MSANTD1: variants seen among roughly 807,000 people sequenced by gnomAD.
MSANTD1 encodes myb/SANT-like DNA-binding domain-containing protein 1.
In MSANTD1, 7 loss-of-function variants were observed where a neutral mutation model predicts 24.2. The ratio of observed to expected loss-of-function variants is 0.29; its 90% confidence interval spans 0.16 to 0.54. The LOEUF (loss-of-function observed/expected upper bound fraction) is 0.54, where lower values mean the gene tolerates loss of function less well. MSANTD1 is among the 20% of genes least tolerant of loss of function. The pLI, the probability that MSANTD1 is intolerant of heterozygous loss-of-function variation, is 0.94. For synonymous variants in MSANTD1, 177 were observed against 181.1 expected (o/e 0.98, Z 0.18); for missense variants, 384 against 408.2 (o/e 0.94, Z 0.51).
intron 1 of MSANTD1, among the ~76,000 whole-genome samples, chr4:3,250,261 C>T (rs1722182500): frequency 6.6e-6 from 1 of 152,210 alleles, no homozygotes; most frequent in South Asian, 2.1e-4. Flanking sequence ...CCTGGCCCCA[C>T]CTCTGCTCCT....
At chr4:3,249,685 G>C (rs1722161309) in intron 1 of MSANTD1, 143 bp downstream of exon 1, 2 of 794,366 alleles carry the variant, frequency 2.5e-6, no homozygotes, top group Admixed American at 2.8e-5. Flanking sequence ...GGTATGGGCA[G>C]AACCCCACGG....
At chr4:3,252,921 A>G (rs188417741) in intron 1 of MSANTD1, among the ~76,000 whole-genome samples, 1 of 152,372 alleles carries the variant, frequency 6.6e-6, no homozygotes, top group African/African-American at 2.4e-5. Flanking sequence ...GGGAAAAGCA[A>G]TAGGACCAGC....
chr4:3,251,991 T>C lies in MSANTD1; in HGVS notation c.321-1216T>C, dbSNP rs556656655. Among the ~76,000 whole-genome samples, 63 of 152,348 alleles carry C rather than the reference T, an allele frequency of 4.1e-4. 1 individual carries two copies. The highest frequency in any genetic ancestry group is 1.5e-3 in the African/African-American group (61 of 41,582). On this transcript the variant is annotated intron_variant, in intron 1 of 2. Transcript: ENST00000438480. ...GCATCCCCTGCTCACCATCTGGCTG[T>C]GCCTGTTTGCTGGGGGCACCTCATT...
chr4:3,253,566 G>T (rs907791101), intron 2 of MSANTD1, 84 bp downstream of exon 2: 1 of 1,356,240 alleles, frequency 7.4e-7, no homozygotes, highest in Non-Finnish European at 9.6e-7. Flanking sequence ...TGGCAAGGCC[G>T]GCGGCGGCGG....
intron 2 of MSANTD1, among the ~76,000 whole-genome samples, chr4:3,254,478 C>T (rs538912836): frequency 1.3e-5 from 2 of 152,238 alleles, no homozygotes; most frequent in Non-Finnish European, 2.9e-5. Context: ...TTGCACAGGA[C>T]TGGGGCGTGG....
intron 1 of MSANTD1, among the ~76,000 whole-genome samples, chr4:3,249,991 A>AG (rs1456370462): frequency 1.3e-5 from 2 of 152,194 alleles, no homozygotes; most frequent in Non-Finnish European, 2.9e-5. Context: ...CAGGGGTTTC[A>AG]GGGGCCTACT....
chr4:3,256,610 T>C lies in MSANTD1; in HGVS notation c.*645T>C, dbSNP rs971628547. On this transcript the variant is annotated 3_prime_UTR_variant, in exon 3 of 3. Coordinates refer to ENST00000438480, the MANE Select transcript of MSANTD1 (RefSeq NM_001042690.2). ...ATAAAAGTCGTAACACCTGTTCACATGCACAGCCCTGTTGAGTGTTCTGGG... is the reference window on the plus strand; with the variant it reads ...ATAAAAGTCGTAACACCTGTTCACACGCACAGCCCTGTTGAGTGTTCTGGG... 1 of 152,322 alleles carries C rather than the reference T, an allele frequency of 6.6e-6. No homozygotes were observed. The highest frequency in any genetic ancestry group is 1.5e-5 in the Non-Finnish European group (1 of 68,088). The allele number at this position is 152,322 out of a possible 1,614,324, so 9.4% of individuals were successfully genotyped here. A position where few individuals can be genotyped will look rare whatever the true frequency, so the allele number is the denominator to read the frequency against.
At chr4:3,254,341 T>G (rs1233072324) in intron 2 of MSANTD1, among the ~76,000 whole-genome samples, 3 of 152,178 alleles carry the variant, frequency 2.0e-5, no homozygotes, top group Non-Finnish European at 4.4e-5. Flanking sequence ...GACTCAGGAT[T>G]TCTCATTGAA....
intron 2 of MSANTD1, among the ~76,000 whole-genome samples, chr4:3,255,041 TG>T (rs1458529100): frequency 2.6e-5 from 4 of 152,048 alleles, no homozygotes; most frequent in Non-Finnish European, 5.9e-5. Context: ...GGCCCCCAAC[TG>T]GGGCTGAGCC....
intron 1 of MSANTD1, 35 bp downstream of exon 1, chr4:3,249,577 GGGCGGGCCCGGGCGT>G: frequency 6.4e-7 from 1 of 1,562,336 alleles, no homozygotes; most frequent in Non-Finnish European, 8.7e-7. Context: ...CCACCAGGAC[GGGCGGGCCCGGGCGT>G]GGCGGGCCGC....
At chr4:3,249,126 G>A (rs1468636594), upstream of MSANTD1, 14 of 1,156,812 alleles carry the variant, frequency 1.2e-5, no homozygotes, top group Admixed American at 7.4e-5. Context: ...GACGTTTCCC[G>A]TTTAAAAGCT....
At chr4:3,255,233 CTTTT>C (rs555315961) in intron 2 of MSANTD1, among the ~76,000 whole-genome samples, 1 of 143,810 alleles carries the variant, frequency 7.0e-6, no homozygotes. Context: ...CTTTCTTTTT[CTTTT>C]TTTTTTTTTT....
At chr4:3,250,951 G>A (rs3121417) in intron 1 of MSANTD1, among the ~76,000 whole-genome samples, 41,579 of 152,226 alleles carry the variant, frequency 0.27, 7,189 homozygotes, top group East Asian at 0.39. Flanking sequence ...TTTCAGTTGC[G>A]TTGATTTGAT....
upstream of MSANTD1, chr4:3,249,145 A>T: frequency 2.4e-6 from 3 of 1,271,400 alleles, no homozygotes; most frequent in Non-Finnish European, 3.0e-6. Context: ...CTTTTAACTA[A>T]ATTCCTGCCT....
In MSANTD1 at chr4:3,256,222, A is replaced by G. The variant is rs1483602001; in HGVS notation, c.*257A>G. 9 of 403,256 alleles carry G rather than the reference A, an allele frequency of 2.2e-5. No homozygotes were observed. Among genetic ancestry groups the G allele is most frequent in the Non-Finnish European group, 3.1e-5 (7 of 227,754 alleles). The allele number at this position is 403,256 out of a possible 1,614,324, so 25.0% of individuals were successfully genotyped here. A position where few individuals can be genotyped will look rare whatever the true frequency, so the allele number is the denominator to read the frequency against. ...AGGGCCTCTGGGGTTCACTCCGAGT[A>G]AGAACGTCCTAGAGCCACTCTCCAG... is the stretch of plus-strand genomic sequence containing the variant. On this transcript the variant is annotated 3_prime_UTR_variant, in exon 3 of 3. Transcript: ENST00000438480.
upstream of MSANTD1, chr4:3,247,449 AG>A (rs1722065787): frequency 6.6e-6 from 1 of 152,126 alleles, no homozygotes; most frequent in South Asian, 2.1e-4. Flanking sequence ...CTCACCGGGG[AG>A]GGCCGAACCC....
upstream of MSANTD1, chr4:3,246,776 A>G (rs1000369699): frequency 4.8e-6 from 3 of 621,312 alleles, no homozygotes; most frequent in Non-Finnish European, 8.7e-6. Context: ...TTGTCCTCAC[A>G]TTGGAGGTCA....
intron 2 of MSANTD1, 81 bp from the exon 3 acceptor site, chr4:3,255,644 A>C (rs1034471987): frequency 7.0e-7 from 1 of 1,428,508 alleles, no homozygotes; most frequent in Non-Finnish European, 9.2e-7. Context: ...GCCCAGTAGG[A>C]TTGTCGGGAG....
chr4:3,247,284 C>G (rs1435449743), upstream of MSANTD1, among the ~76,000 whole-genome samples: 2 of 152,166 alleles, frequency 1.3e-5, no homozygotes, highest in African/African-American at 4.8e-5. Context: ...AAGGTCCATG[C>G]TGAGTCGCTA....
Sources: gnomAD v4.1 joint callset for allele counts (sites outside exome capture counted in the v4.1 genomes callset) on GRCh38, gnomAD v4.1.1 for gene constraint, MANE v1.5 for transcripts, NCBI Gene and HGNC (gene_info 2026-07-23, HGNC 2026-07-21) for gene names.